The following SRP19 variants were observed in gnomAD, a reference collection of about 807,000 sequenced individuals.
SRP19 encodes the protein signal recognition particle 19, also known as signal recognition particle 19 kDa protein.
A neutral mutation model predicts 22.4 loss-of-function variants in SRP19; 11 were observed. The observed-to-expected ratio is 0.49, with a 90% confidence interval of 0.31 to 0.81. The LOEUF (loss-of-function observed/expected upper bound fraction) is 0.81, where lower values mean the gene tolerates loss of function less well. SRP19 is among the 40% of genes least tolerant of loss of function. The probability of loss-of-function intolerance (pLI) is 0.05; values close to 1 mark genes in which losing one functional copy is unlikely to be tolerated. For synonymous variants in SRP19, 61 were observed against 57.6 expected, an observed-to-expected ratio of 1.06 and a Z score of -0.27; for missense variants, 168 against 175.9, an observed-to-expected ratio of 0.96 and a Z score of 0.25.
Position 112,867,923 on chromosome 5 carries a change from C to T in SRP19, c.*386C>T, listed in dbSNP as rs1047570603. 1 of 989,408 alleles carries T rather than the reference C, an allele frequency of 1.0e-6. No homozygotes were observed. The highest frequency in any genetic ancestry group is 1.2e-6 in the Non-Finnish European group (1 of 832,036). 61.3% of individuals were successfully genotyped at this position (989,408 alleles called of 1,614,324 possible). On this transcript the variant is annotated 3_prime_UTR_variant, in exon 5 of 5. Transcript: ENST00000505459. Reference sequence around the variant, plus strand: ...TTGAAACTGACTTTTGCAGCTTTTGCTTATATACTAATGCTAGGAGAGGAG... The same window carrying T: ...TTGAAACTGACTTTTGCAGCTTTTGTTTATATACTAATGCTAGGAGAGGAG...
intron 4 of SRP19, chr5:112,878,671 C>A (rs1182501716): frequency 1.4e-6 from 2 of 1,426,754 alleles, no homozygotes; most frequent in East Asian, 2.3e-5. Flanking sequence ...TCTTTAATAT[C>A]TCAAAAATGT....
chr5:112,864,397 C>T, intron 2 of SRP19, 60 bp from the exon 3 acceptor site: 1 of 1,401,110 alleles, frequency 7.1e-7, no homozygotes, highest in Admixed American at 1.7e-5. Context: ...ATTTACCCAA[C>T]ACTATGGCAG....
downstream of SRP19, chr5:112,894,321 T>C (rs960749801): frequency 6.6e-6 from 1 of 152,292 alleles, no homozygotes; most frequent in Non-Finnish European, 1.5e-5. Context: ...GGTTTCACCA[T>C]GTTGGCCAGG....
downstream of SRP19, chr5:112,897,351 TCACACACACACACACA>T (rs34612314): frequency 6.1e-5 from 6 of 97,820 alleles, no homozygotes; most frequent in East Asian, 9.6e-4. Context: ...ACACATCCCA[TCACACACACACACACA>T]CACACACACA....
chr5:112,862,651 A>G, intron 2 of SRP19, 68 bp downstream of exon 2: 1 of 1,403,458 alleles, frequency 7.1e-7, no homozygotes, highest in Non-Finnish European at 9.9e-7. Flanking sequence ...GGGCCACGTA[A>G]TCTTGTTAGA....
downstream of SRP19, among the ~76,000 whole-genome samples, chr5:112,874,720 CT>C (rs1430662839): frequency 1.3e-5 from 2 of 151,852 alleles, no homozygotes; most frequent in South Asian, 2.1e-4. Flanking sequence ...GGACAGTAAT[CT>C]TTTTTAACAA....
chr5:112,877,366 T>C (rs556720471), intron 4 of SRP19: 14 of 152,316 alleles, frequency 9.2e-5, no homozygotes, highest in African/African-American at 3.4e-4. Context: ...TATACACTTG[T>C]TTTAGTCGAG....
chr5:112,867,228 C>A, intron 4 of SRP19, 176 bp from the exon 5 acceptor site: 1 of 643,046 alleles, frequency 1.6e-6, no homozygotes. Context: ...ACTCTCAGTA[C>A]ATTTCCCCCG....
exon 5 of SRP19, chr5:112,892,266 C>G (rs751827938): frequency 1.2e-6 from 2 of 1,614,068 alleles, no homozygotes; most frequent in Non-Finnish European, 1.7e-6. Flanking sequence ...TTATTAAGAG[C>G]ATGTTTACAA....
At position 112,879,259 on chromosome 5, in the gene SRP19, G is replaced by A. The variant is rs548993610; in HGVS notation, c.302-12344G>A. On this transcript the variant is annotated intron_variant, in intron 4 of 4. Coordinates refer to the SRP19 transcript ENST00000391338. ...AACTAGGTCATCATATTTATCCCAT[G>A]GCGACAAATCAGAGAAGTCCTCATT... Among the ~76,000 whole-genome samples, 4 of 144,908 alleles carry A rather than the reference G, an allele frequency of 2.8e-5. No individual in the cohort carries two copies. The Admixed American group carries it at 2.9e-4, about 10-fold the overall frequency.
At chr5:112,898,056 C>T (rs1173987808), downstream of SRP19, 1 of 152,184 alleles carries the variant, frequency 6.6e-6, no homozygotes, top group Non-Finnish European at 1.5e-5. Flanking sequence ...AACACTCTGT[C>T]CCAAAAAACA....
chr5:112,890,936 C>A (rs1397351209), intron 4 of SRP19, among the ~76,000 whole-genome samples: 1 of 150,632 alleles, frequency 6.6e-6, no homozygotes, highest in Non-Finnish European at 1.5e-5. Context: ...AATTACTAAG[C>A]ATAGCAAGGA....
At chr5:112,873,403 GT>G (rs1305225602), downstream of SRP19, among the ~76,000 whole-genome samples, 6 of 139,236 alleles carry the variant, frequency 4.3e-5, no homozygotes, top group Non-Finnish European at 9.1e-5. Context: ...CTGGAGTGCA[GT>G]GGCCCGATCT....
At chr5:112,892,087 A>G (rs758469884) in exon 5 of SRP19, 1 of 1,611,880 alleles carries the variant, frequency 6.2e-7, no homozygotes, top group Non-Finnish European at 8.5e-7. Context: ...TCAGGCTGAA[A>G]ATGATTTAGA....
chr5:112,864,295 A>G (rs1767514395), intron 2 of SRP19, 162 bp from the exon 3 acceptor site: 2 of 618,296 alleles, frequency 3.2e-6, no homozygotes, highest in Non-Finnish European at 5.7e-6. Context: ...TGTTATTCCT[A>G]GGAATTTTTA....
Position 112,868,473 on chromosome 5 carries a change from G to C in SRP19, c.*936G>C. On this transcript the variant is annotated 3_prime_UTR_variant, in exon 5 of 5. Coordinates refer to ENST00000505459, the MANE Select transcript of SRP19 (RefSeq NM_003135.3). ...TGGAGTGCAATGGCACGATATCGGCGTACCACAACCTCTGCATCCCAGGTT... is the reference window on the plus strand; with the variant it reads ...TGGAGTGCAATGGCACGATATCGGCCTACCACAACCTCTGCATCCCAGGTT... 2.8e-6 allele frequency: 2 copies of C among 725,794 alleles called. No individual in the cohort carries two copies. Among genetic ancestry groups the C allele is most frequent in the African/African-American group, 3.9e-5 (2 of 51,926 alleles). The allele number at this position is 725,794 out of a possible 1,614,324, so 45.0% of individuals were successfully genotyped here. A position where few individuals can be genotyped will look rare whatever the true frequency, so the allele number is the denominator to read the frequency against.
rs564287302 is a variant in SRP19 at position 112,888,846 on chromosome 5, C to T, written c.302-2757C>T. On this transcript the variant is annotated intron_variant, in intron 4 of 4. Transcript: ENST00000391338. Reference sequence around the variant, plus strand: ...GACTGACATGGTTTAGCTGTGTCCCCACCCAAATCTCATCTTGAACTGTAG... The same window carrying T: ...GACTGACATGGTTTAGCTGTGTCCCTACCCAAATCTCATCTTGAACTGTAG... 1.6e-4 allele frequency among the ~76,000 whole-genome samples: 24 copies of T among 150,834 alleles called. 1 individual carries two copies. Among genetic ancestry groups the T allele is most frequent in the African/African-American group, 5.2e-4 (21 of 40,582 alleles).
chr5:112,895,844 C>T (rs575508452), downstream of SRP19: 34 of 152,320 alleles, frequency 2.2e-4, no homozygotes, highest in African/African-American at 8.2e-4. Context: ...CCTCAAAGTG[C>T]CAGCTGATGA....
downstream of SRP19, among the ~76,000 whole-genome samples, chr5:112,874,720 C>CT (rs1430662839): frequency 1.3e-5 from 2 of 151,742 alleles, no homozygotes; most frequent in East Asian, 1.9e-4. Flanking sequence ...GGACAGTAAT[C>CT]TTTTTTAACA....
Sources: allele counts gnomAD v4.1 joint callset (sites outside exome capture counted in the v4.1 genomes callset), GRCh38; gene constraint gnomAD v4.1.1; transcripts MANE v1.5; gene names NCBI Gene and HGNC (gene_info 2026-07-23, HGNC 2026-07-21).